Variants in DNAJC27 observed in about 807,000 individuals in gnomAD.
DNAJC27 encodes dnaJ homolog subfamily C member 27.
Under a neutral mutation model 31.4 loss-of-function variants are expected in DNAJC27, and 25 were observed. That is an observed-to-expected ratio of 0.80 (90% CI 0.58 to 1.11). The LOEUF is 1.11. DNAJC27 is among the 50% of genes most tolerant of loss of function. The probability of loss-of-function intolerance (pLI) is 0.00; values close to 1 mark genes in which losing one functional copy is unlikely to be tolerated. For missense variants in DNAJC27, 356 were observed against 347.3 expected, an observed-to-expected ratio of 1.02 and a Z score of -0.20; for synonymous variants, 106 against 112.7, an observed-to-expected ratio of 0.94 and a Z score of 0.37.
intron 6 of DNAJC27, among the ~76,000 whole-genome samples, chr2:24,948,806 GCT>G (rs767525493): frequency 5.3e-5 from 8 of 152,198 alleles, no homozygotes; most frequent in Non-Finnish European, 1.0e-4. Context: ...GTCAGATTAA[GCT>G]CTGTCTCTAC....
rs760083290 is a variant in DNAJC27 at position 24,963,475 on chromosome 2, C to T, written c.171-1G>A. The T allele has an allele frequency of 1.6e-5, 25 of 1,611,204 alleles. No homozygotes were observed. In the South Asian group the frequency reaches 1.8e-4, roughly 11 times the overall value. ...GATTTCTCTGTCTCTGACGTGTACC[C>T]TGAAATGTTCAAATGGAAACAATCC... On this transcript the variant is annotated splice_acceptor_variant, in intron 2 of 6. Coordinates refer to ENST00000264711, the MANE Select transcript of DNAJC27 (RefSeq NM_016544.3). LOFTEE classifies it high-confidence loss of function.
chr2:24,959,154 G>A (rs1311607054), intron 3 of DNAJC27, among the ~76,000 whole-genome samples: 2 of 152,164 alleles, frequency 1.3e-5, no homozygotes, highest in Non-Finnish European at 2.9e-5. Context: ...TTCTACAGCA[G>A]TTAACGACGG....
chr2:24,958,928 C>T (rs1023936522), intron 3 of DNAJC27, among the ~76,000 whole-genome samples: 1 of 152,148 alleles, frequency 6.6e-6, no homozygotes, highest in Non-Finnish European at 1.5e-5. Context: ...TACTCAGACC[C>T]ACACAAGCTA....
intron 3 of DNAJC27, among the ~76,000 whole-genome samples, chr2:24,961,227 A>G (rs1666032352): frequency 6.6e-6 from 1 of 152,206 alleles, no homozygotes; most frequent in South Asian, 2.1e-4. Context: ...GGTCTGGATG[A>G]CAGCAGATCT....
At chr2:24,963,162 G>A in intron 3 of DNAJC27, 1 of 416,334 alleles carries the variant, frequency 2.4e-6, no homozygotes, top group Non-Finnish European at 4.3e-6. Flanking sequence ...TCCTCTGAAA[G>A]TCAAAATGTC....
rs138899967 is a variant in DNAJC27, at chr2:24,948,156, T to TG, written c.690-409dup. On this transcript the variant is annotated intron_variant, in intron 6 of 6. Coordinates refer to ENST00000264711, the MANE Select transcript of DNAJC27 (RefSeq NM_016544.3). ...GGAGAGAACCAACAGTGGCCTGGAA[T>TG]GGAGCCCGAACACAGCACAGACGGG... 8.0e-3 allele frequency among the ~76,000 whole-genome samples: 1,220 copies of TG among 152,186 alleles called. 14 individuals carry two copies. Among genetic ancestry groups the TG allele is most frequent in the African/African-American group, 0.028 (1,181 of 41,508 alleles).
chr2:24,962,566 A>C (rs1666076411), intron 3 of DNAJC27, among the ~76,000 whole-genome samples: 1 of 152,186 alleles, frequency 6.6e-6, no homozygotes, highest in Admixed American at 6.5e-5. Flanking sequence ...TGAATAACAC[A>C]CTTCTAAATA....
chr2:24,967,147 G>A (rs765306318), intron 2 of DNAJC27, 64 bp downstream of exon 2: 53 of 1,257,830 alleles, frequency 4.2e-5, no homozygotes, highest in Admixed American at 2.3e-4. Flanking sequence ...ATGCAAATAT[G>A]GATCATTTTG....
At chr2:24,949,486 C>A (rs187489745) in intron 6 of DNAJC27, among the ~76,000 whole-genome samples, 2 of 152,136 alleles carry the variant, frequency 1.3e-5, no homozygotes, top group East Asian at 1.9e-4. Context: ...CCGTTGAAGA[C>A]GAAGATTTTC....
At chr2:24,948,416 G>A (rs916667873) in intron 6 of DNAJC27, among the ~76,000 whole-genome samples, 1 of 152,142 alleles carries the variant, frequency 6.6e-6, no homozygotes, top group Non-Finnish European at 1.5e-5. Flanking sequence ...TCCAGGAGGA[G>A]AAGATGAAAA....
intron 5 of DNAJC27, 124 bp from the exon 6 acceptor site, chr2:24,951,678 A>G: frequency 1.6e-6 from 1 of 611,670 alleles, no homozygotes; most frequent in Non-Finnish European, 2.5e-6. Context: ...TATAAAGCAA[A>G]TACACACTTT....
Position 24,946,816 on chromosome 2 carries a change from A to G in DNAJC27, c.*800T>C, listed in dbSNP as rs1178000818. On this transcript the variant is annotated 3_prime_UTR_variant, in exon 7 of 7. Coordinates refer to ENST00000264711, the MANE Select transcript of DNAJC27 (RefSeq NM_016544.3). ...GATACTACTGCAGCTGGCTCCTCCA[A>G]GTACTTCTGTCTTGGGGCCTGATTC... 6.6e-6 allele frequency: 1 copy of G among 152,194 alleles called. No individual in the cohort carries two copies. Among genetic ancestry groups the G allele is most frequent in the Non-Finnish European group, 1.5e-5 (1 of 68,090 alleles). 9.4% of individuals were successfully genotyped at this position (152,194 alleles called of 1,614,324 possible).
chr2:24,956,284 C>T (rs1340260866), intron 5 of DNAJC27, among the ~76,000 whole-genome samples: 1 of 152,196 alleles, frequency 6.6e-6, no homozygotes, highest in African/African-American at 2.4e-5. Flanking sequence ...CTACATTATT[C>T]ATGCTACCAC....
At chr2:24,957,575 C>A (rs1255936969) in intron 4 of DNAJC27, among the ~76,000 whole-genome samples, 2 of 151,666 alleles carry the variant, frequency 1.3e-5, no homozygotes, top group Non-Finnish European at 2.9e-5. Context: ...CCCACTCAGT[C>A]ACCAACATCC....
intron 5 of DNAJC27, among the ~76,000 whole-genome samples, chr2:24,953,062 A>ATT (rs933437897): frequency 2.6e-4 from 39 of 150,180 alleles, no homozygotes; most frequent in African/African-American, 9.5e-4. Context: ...CACTTTTCTG[A>ATT]TTTTTTTTTA....
At chr2:24,965,791 C>A (rs567132210) in intron 2 of DNAJC27, among the ~76,000 whole-genome samples, 200 of 152,300 alleles carry the variant, frequency 1.3e-3, no homozygotes, top group Non-Finnish European at 2.2e-3. Flanking sequence ...CGACATTCTG[C>A]TAGCTATATG....
At position 24,947,470 on chromosome 2, in the gene DNAJC27, G is replaced by A; in HGVS notation, c.*146C>T. On this transcript the variant is annotated 3_prime_UTR_variant, in exon 7 of 7. Coordinates refer to ENST00000264711, the MANE Select transcript of DNAJC27 (RefSeq NM_016544.3). ...TCTCAGTAAAATGTCTATGAAATGG[G>A]TACCTGAATTACTGATATACAAATG... The A allele has an allele frequency of 2.1e-6, 2 of 950,046 alleles. No individual in the cohort carries two copies. The highest frequency in any genetic ancestry group is 3.7e-5 in the South Asian group (2 of 53,904). The allele number at this position is 950,046 out of a possible 1,614,324, so 58.9% of individuals were successfully genotyped here.
intron 2 of DNAJC27, among the ~76,000 whole-genome samples, chr2:24,965,700 A>T (rs1000118260): frequency 1.3e-5 from 2 of 152,208 alleles, no homozygotes; most frequent in Non-Finnish European, 2.9e-5. Flanking sequence ...ACAACTCTTG[A>T]GTTTTACTCT....
Position 24,963,033 on chromosome 2 carries a change from C to T in DNAJC27, c.240+372G>A, listed in dbSNP as rs118134695. 9.8e-4 allele frequency: 161 copies of T among 163,732 alleles called. 2 individuals carry two copies. In the East Asian group the frequency reaches 0.026, roughly 26 times the overall value. 10.1% of individuals were successfully genotyped at this position (163,732 alleles called of 1,614,324 possible). On this transcript the variant is annotated intron_variant, in intron 3 of 6. Coordinates refer to ENST00000264711, the MANE Select transcript of DNAJC27 (RefSeq NM_016544.3). The stretch of plus-strand genomic sequence containing the variant: ...GCAGATGACTAGGCATGAATAGGAA[C>T]GATCACCCCAGTACCCTGCTGTGAA...
Sources: gnomAD v4.1 joint callset for allele counts (sites outside exome capture counted in the v4.1 genomes callset) on GRCh38, gnomAD v4.1.1 for gene constraint, MANE v1.5 for transcripts, NCBI Gene and HGNC (gene_info 2026-07-23, HGNC 2026-07-21) for gene names.